The following TIAM1 variants were observed in gnomAD, a reference collection of about 807,000 sequenced individuals.
The protein encoded by TIAM1 is TIAM Rac1 associated GEF 1.
In TIAM1, 65 loss-of-function variants were observed where a neutral mutation model predicts 163.5. The ratio of observed to expected loss-of-function variants is 0.40; its 90% CI spans 0.33 to 0.49. The LOEUF (loss-of-function observed/expected upper bound fraction) is 0.49, where lower values mean the gene tolerates loss of function less well. Among genes scored for constraint, TIAM1 ranks in the 20% least tolerant of loss-of-function variants. The probability of loss-of-function intolerance (pLI) is 0.77; values close to 1 mark genes in which losing one functional copy is unlikely to be tolerated. For missense variants in TIAM1, 1,789 were observed against 2,044.7 expected (o/e 0.87, Z 2.41); for synonymous variants, 833 against 810.1 (o/e 1.03, Z -0.48).
chr21:31,520,136 G>C (rs1166178495), intron 1 of TIAM1, among the ~76,000 whole-genome samples: 4 of 152,164 alleles, frequency 2.6e-5, no homozygotes, highest in Non-Finnish European at 5.9e-5. Context: ...TTCGAGACCA[G>C]CCTGACCAAC....
At chr21:31,144,433 G>A (rs1312256564) in intron 20 of TIAM1, among the ~76,000 whole-genome samples, 1 of 152,256 alleles carries the variant, frequency 6.6e-6, no homozygotes, top group Non-Finnish European at 1.5e-5. Flanking sequence ...CAGTCCAGGA[G>A]CGTCACTCCT....
chr21:31,195,283 C>G lies in TIAM1; in HGVS notation c.2516G>C (p.Cys839Ser). 1 of 1,613,060 alleles carries G rather than the reference C, an allele frequency of 6.2e-7. No homozygotes were observed. Among genetic ancestry groups the G allele is most frequent in the Non-Finnish European group, 8.5e-7 (1 of 1,179,360 alleles). ...YELLYKEIEI[C>S]PKVTQSIHIE... ...GTGGATGCTCTGAGTGACTTTTGGA[C>G]AGATTTCAATTTCTTTGTACAGCTG... Residue 839 changes from cysteine to serine, a missense_variant, in exon 13 of 28, where the codon TGT (cysteine) becomes TCT (serine). Physicochemically the swap from Cys to Ser is moderately radical, Grantham distance 112. This residue lies in a region of TIAM1 where 456 missense variants were observed against 586.6 expected (regional missense o/e 0.78). Transcript: ENST00000541036.
intron 2 of TIAM1, among the ~76,000 whole-genome samples, chr21:31,441,260 T>C (rs2033006506): frequency 1.3e-5 from 2 of 152,234 alleles, no homozygotes; most frequent in African/African-American, 2.4e-5. Context: ...GCAAATATTA[T>C]AAACAGCATT....
At chr21:31,484,714 C>A (rs903420016) in intron 1 of TIAM1, among the ~76,000 whole-genome samples, 50 of 152,186 alleles carry the variant, frequency 3.3e-4, no homozygotes, top group Non-Finnish European at 5.6e-4. Flanking sequence ...AGGACCGTGA[C>A]CCCAGCCATG....
chr21:31,520,811 C>T (rs753813058), intron 1 of TIAM1, among the ~76,000 whole-genome samples: 8 of 152,186 alleles, frequency 5.3e-5, no homozygotes, highest in Non-Finnish European at 8.8e-5. Context: ...GGCCAGGAGG[C>T]GTGGGTCAGA....
chr21:31,379,846 T>C (rs1455355206), intron 2 of TIAM1, among the ~76,000 whole-genome samples: 2 of 152,004 alleles, frequency 1.3e-5, no homozygotes, highest in African/African-American at 4.8e-5. Flanking sequence ...AATTAAATGG[T>C]TGGGGTTGGG....
rs575732442 is a variant in TIAM1 at position 31,152,604 on chromosome 21, C to G, written c.3366+32G>C. On this transcript the variant is annotated intron_variant, in intron 19 of 27. Transcript: ENST00000541036. ...GATTCAACTTGAGCCACACTATAGC[C>G]CTGACGCTGGAGGCAGCTTTGCACT... The G allele has an allele frequency of 8.5e-5, 137 of 1,612,624 alleles. 1 individual carries two copies. In the South Asian group the frequency reaches 1.4e-3, roughly 17 times the overall value.
chr21:31,236,437 G>C (rs1035599731), intron 6 of TIAM1, among the ~76,000 whole-genome samples: 11 of 152,016 alleles, frequency 7.2e-5, no homozygotes, highest in African/African-American at 2.7e-4. Flanking sequence ...AAGTCAACAC[G>C]GAAACCAACA....
At chr21:31,337,317 G>C (rs932151530) in intron 2 of TIAM1, among the ~76,000 whole-genome samples, 8 of 151,842 alleles carry the variant, frequency 5.3e-5, no homozygotes, top group African/African-American at 1.7e-4. Context: ...GGATGCCCTG[G>C]GGGTATAGAG....
intron 6 of TIAM1, among the ~76,000 whole-genome samples, chr21:31,242,060 T>C (rs1413073763): frequency 1.3e-5 from 2 of 152,008 alleles, no homozygotes; most frequent in African/African-American, 4.8e-5. Flanking sequence ...AAGTAGTCAA[T>C]AGAAACTGTC....
In TIAM1 at chr21:31,418,626, A is replaced by G. The variant is rs74599481; in HGVS notation, c.-369+45357T>C. Among the ~76,000 whole-genome samples, 28 of 152,300 alleles carry G rather than the reference A, an allele frequency of 1.8e-4. No homozygotes were observed. In the East Asian group the frequency reaches 5.0e-3, roughly 27 times the overall value. ...TCAGGCCAACTCCACAGAAGCTATT[A>G]GAAAGGTTAGCAGTAAGTGCAGCCC... On this transcript the variant is annotated intron_variant, in intron 2 of 28. Coordinates refer to the TIAM1 transcript ENST00000286827.
intron 13 of TIAM1, among the ~76,000 whole-genome samples, chr21:31,188,984 AC>A (rs2085426562): frequency 6.9e-6 from 1 of 144,670 alleles, no homozygotes; most frequent in Admixed American, 7.0e-5. Context: ...GCTGCAAGTC[AC>A]CTGAAGCCAA....
intron 2 of TIAM1, among the ~76,000 whole-genome samples, chr21:31,426,218 T>G (rs138277309): frequency 2.0e-3 from 298 of 152,262 alleles, no homozygotes; most frequent in African/African-American, 6.5e-3. Context: ...GTATCACTCT[T>G]ATGTCTTTGC....
At chr21:31,227,139 TAG>T (rs2088034957) in intron 6 of TIAM1, among the ~76,000 whole-genome samples, 1 of 151,926 alleles carries the variant, frequency 6.6e-6, no homozygotes, top group African/African-American at 2.4e-5. Context: ...ATATTTTTAG[TAG>T]AGACAGGGTT....
At chr21:31,533,665 T>G (rs9977161) in intron 1 of TIAM1, among the ~76,000 whole-genome samples, 100 of 152,086 alleles carry the variant, frequency 6.6e-4, no homozygotes, top group African/African-American at 2.4e-3. Flanking sequence ...CCCAGAAGTT[T>G]GAGGCTGCAC....
chr21:31,281,077 C>A (rs1472352447), intron 2 of TIAM1, among the ~76,000 whole-genome samples: 1 of 137,968 alleles, frequency 7.2e-6, no homozygotes, highest in South Asian at 2.3e-4. Flanking sequence ...CAAAGTGAGA[C>A]CCTAACTCAA....
intron 2 of TIAM1, among the ~76,000 whole-genome samples, chr21:31,350,093 T>TA (rs2076209977): frequency 6.6e-6 from 1 of 152,214 alleles, no homozygotes; most frequent in Non-Finnish European, 1.5e-5. Context: ...TGGCACTAGT[T>TA]ACGTGTCAGA....
intron 10 of TIAM1, chr21:31,213,154 C>T: frequency 2.4e-6 from 1 of 418,098 alleles, no homozygotes; most frequent in Non-Finnish European, 4.2e-6. Flanking sequence ...TAGTTAGAAA[C>T]TCACACATCA....
At position 31,306,203 on chromosome 21, in the gene TIAM1, G is replaced by A. The variant is rs376187964; in HGVS notation, c.-188-29295C>T. ...AGAGGCTGAAGGAGGAGGATTGCTCGAGCCCAGGAGTTTGAGGCTGTGGTG... is the reference window on the plus strand; with the variant it reads ...AGAGGCTGAAGGAGGAGGATTGCTCAAGCCCAGGAGTTTGAGGCTGTGGTG... On this transcript the variant is annotated intron_variant, in intron 2 of 27. Transcript: ENST00000541036. Among the ~76,000 whole-genome samples the A allele has an allele frequency of 1.7e-3, 262 of 152,116 alleles. 5 individuals carry two copies. In the South Asian group the frequency reaches 0.028, roughly 17 times the overall value.
Sources: gnomAD v4.1 joint callset for allele counts (sites outside exome capture counted in the v4.1 genomes callset) on GRCh38, gnomAD v4.1.1 for gene constraint, gnomAD v4.1.1 regional missense constraint, MANE v1.5 for transcripts, NCBI Gene and HGNC (gene_info 2026-07-23, HGNC 2026-07-21) for gene names.